Variants in TAF1B observed in about 807,000 individuals in gnomAD.
TAF1B encodes the protein TATA box-binding protein-associated factor RNA polymerase I subunit B.
TAF1B carries 61 observed loss-of-function variants against 83.9 expected under a neutral mutation model. The ratio of observed to expected loss-of-function variants is 0.73; its 90% CI spans 0.59 to 0.90. TAF1B has a LOEUF of 0.90. TAF1B is among the 40% of genes least tolerant of loss of function. The pLI, the probability that TAF1B is intolerant of heterozygous loss-of-function variation, is 0.00. For synonymous variants in TAF1B, 221 were observed against 224.6 expected (o/e 0.98, Z 0.14); for missense variants, 625 against 677.0 (o/e 0.92, Z 0.85).
chr2:9,887,638 GTAGT>G (rs1463747890), intron 8 of TAF1B, among the ~76,000 whole-genome samples: 2 of 151,724 alleles, frequency 1.3e-5, no homozygotes, highest in Admixed American at 6.6e-5. Flanking sequence ...GTGTTTTCTG[GTAGT>G]TAGTATGTCA....
chr2:9,915,954 C>T (rs1665670097), intron 12 of TAF1B, among the ~76,000 whole-genome samples: 1 of 152,208 alleles, frequency 6.6e-6, no homozygotes, highest in African/African-American at 2.4e-5. Context: ...ATGCATTATG[C>T]TATGTGAAAG....
rs560681668 is a variant in TAF1B at position 9,847,180 on chromosome 2, G to T, written c.117+1862G>T. 4.6e-5 allele frequency among the ~76,000 whole-genome samples: 7 copies of T among 152,304 alleles called. No individual in the cohort carries two copies. In the South Asian group the frequency reaches 1.2e-3, roughly 27 times the overall value. ...CTTCTCCCTAGCTCCACATTTGGAA[G>T]ACTGTCAACTCCTGTGGAGTAATTT... is the stretch of plus-strand genomic sequence containing the variant. On this transcript the variant is annotated intron_variant, in intron 2 of 14. Coordinates refer to ENST00000263663, the MANE Select transcript of TAF1B (RefSeq NM_005680.3).
At position 9,854,340 on chromosome 2, in the gene TAF1B, T is replaced by C; in HGVS notation, c.318T>C (p.His106=). 6.2e-7 allele frequency: 1 copy of C among 1,613,942 alleles called. No homozygotes were observed. Among genetic ancestry groups the C allele is most frequent in the South Asian group, 1.1e-5 (1 of 91,062 alleles). ...VGPELKNDVL[H]NFWKRYLQKS... is the part of the protein sequence containing the mutation. ...TTCCACCTTAGAACGATGTTTTACA[T>C]AATTTTTGGAAGCGCTACCTTCAGA... Residue 106 remains histidine (H), a synonymous_variant, in exon 5 of 15, where the codon CAT becomes CAC. Transcript: ENST00000263663.
At chr2:9,856,630 A>G (rs977344840) in intron 5 of TAF1B, among the ~76,000 whole-genome samples, 1 of 152,192 alleles carries the variant, frequency 6.6e-6, no homozygotes, top group Non-Finnish European at 1.5e-5. Context: ...GAGTTTGCCT[A>G]ACACATAGAA....
chr2:9,845,318 G>T lies in TAF1B; in HGVS notation c.117G>T (p.Glu39Asp). The change falls in exon 2 of 15, where the codon GAG becomes GAT. Residue 39 changes from glutamate to aspartate, a missense_variant and splice_region_variant. By Grantham distance (45) the Glu-to-Asp change is conservative. Coordinates refer to ENST00000263663, the MANE Select transcript of TAF1B (RefSeq NM_005680.3). ...YYCTSCHNVT[E>D]RYQEVTNTDL... ...GCACTTCTTGCCACAATGTTACAGA[G>T]GTAAGTAACAAATATCATTTATGAA... The T allele has an allele frequency of 6.2e-7, 1 of 1,610,450 alleles. No individual in the cohort carries two copies. Among genetic ancestry groups the T allele is most frequent in the Non-Finnish European group, 8.5e-7 (1 of 1,176,966 alleles).
intron 8 of TAF1B, among the ~76,000 whole-genome samples, chr2:9,898,673 T>C (rs1273380055): frequency 6.6e-6 from 1 of 152,216 alleles, no homozygotes; most frequent in African/African-American, 2.4e-5. Flanking sequence ...AGGCTTCTTA[T>C]TCTGGGAAAT....
At chr2:9,919,244 C>A in intron 13 of TAF1B, 133 bp downstream of exon 13, 1 of 707,426 alleles carries the variant, frequency 1.4e-6, no homozygotes, top group Non-Finnish European at 2.4e-6. Context: ...CATGTACATC[C>A]AAAGGAGCAT....
chr2:9,858,899 G>T (rs979132191), intron 5 of TAF1B, among the ~76,000 whole-genome samples: 1 of 152,210 alleles, frequency 6.6e-6, no homozygotes, highest in Non-Finnish European at 1.5e-5. Flanking sequence ...GGCCTGTGAT[G>T]GGAGGGGCTG....
chr2:9,878,200 C>T (rs1251453307), intron 7 of TAF1B, among the ~76,000 whole-genome samples: 1 of 151,486 alleles, frequency 6.6e-6, no homozygotes, highest in Non-Finnish European at 1.5e-5. Context: ...TAAAATAAGC[C>T]CTTCAGGGGA....
intron 8 of TAF1B, among the ~76,000 whole-genome samples, chr2:9,884,017 T>C (rs1280599139): frequency 1.3e-5 from 2 of 152,184 alleles, no homozygotes; most frequent in African/African-American, 2.4e-5. Flanking sequence ...GCTACCGGCC[T>C]GGGTCTCATG....
chr2:9,910,761 C>A lies in TAF1B; in HGVS notation c.981C>A (p.His327Gln), dbSNP rs146568033. The change falls in exon 10 of 15, where the codon CAC becomes CAA. Residue 327 changes from histidine (H) to glutamine (Q), a missense_variant. Physicochemically the swap from His to Gln is conservative, Grantham distance 24 (BLOSUM62 0). Transcript: ENST00000263663. ...LPDEMHSLTC[H>Q]VVKMTGMGEV... The stretch of plus-strand genomic sequence containing the variant: ...ATGAAATGCATAGCTTAACTTGCCA[C>A]GTGGTAAAAATGACTGGAATGGGAG... The A allele has an allele frequency of 1.5e-5, 24 of 1,610,982 alleles. No homozygotes were observed. Among genetic ancestry groups the A allele is most frequent in the Middle Eastern group, 3.3e-4 (2 of 6,074 alleles).
chr2:9,843,783 G>C (rs1663105969), intron 1 of TAF1B: 2 of 509,970 alleles, frequency 3.9e-6, no homozygotes, highest in Admixed American at 8.0e-5. Flanking sequence ...AGGTTGTGGG[G>C]GAGGGAGGGT....
At chr2:9,917,094 C>T (rs1665705878) in intron 12 of TAF1B, among the ~76,000 whole-genome samples, 1 of 152,152 alleles carries the variant, frequency 6.6e-6, no homozygotes, top group Admixed American at 6.5e-5. Flanking sequence ...GATCCTCCCA[C>T]CTCAGCCTCC....
At chr2:9,869,062 T>A (rs545863932) in intron 6 of TAF1B, among the ~76,000 whole-genome samples, 1 of 152,312 alleles carries the variant, frequency 6.6e-6, no homozygotes, top group African/African-American at 2.4e-5. Flanking sequence ...TCTGGAGTTT[T>A]CTTCTCCACC....
At chr2:9,880,783 A>C (rs1447354333) in intron 7 of TAF1B, among the ~76,000 whole-genome samples, 1 of 152,196 alleles carries the variant, frequency 6.6e-6, no homozygotes, top group Admixed American at 6.5e-5. Flanking sequence ...AAGACTACAT[A>C]AATAATGAGC....
chr2:9,868,930 G>T (rs557174083), intron 6 of TAF1B, among the ~76,000 whole-genome samples: 1 of 152,208 alleles, frequency 6.6e-6, no homozygotes, highest in South Asian at 2.1e-4. Context: ...TAAAATATAG[G>T]CCTTCATTCC....
intron 8 of TAF1B, among the ~76,000 whole-genome samples, chr2:9,895,361 C>T (rs1307456762): frequency 3.3e-5 from 5 of 152,092 alleles, no homozygotes; most frequent in Non-Finnish European, 7.4e-5. Flanking sequence ...ATTAGCCGGG[C>T]GTGGCGGCAC....
intron 6 of TAF1B, chr2:9,868,786 A>G (rs1028865629): frequency 7.0e-5 from 32 of 454,976 alleles, no homozygotes; most frequent in Admixed American, 6.5e-4. Context: ...CATATAGTAA[A>G]ATAGACAAAG....
chr2:9,899,385 A>G (rs540824655), intron 8 of TAF1B, among the ~76,000 whole-genome samples: 6 of 152,220 alleles, frequency 3.9e-5, no homozygotes, highest in Admixed American at 6.5e-5. Context: ...TATGATATAT[A>G]TAAAACATTC....
Sources: allele counts gnomAD v4.1 joint callset (sites outside exome capture counted in the v4.1 genomes callset), GRCh38; gene constraint gnomAD v4.1.1; transcripts MANE v1.5; gene names NCBI Gene and HGNC (gene_info 2026-07-23, HGNC 2026-07-21).